AUTS2: variants seen among roughly 807,000 people sequenced by gnomAD.
The protein encoded by AUTS2 is activator of transcription and developmental regulator AUTS2, also known as autism susceptibility gene 2 protein.
In AUTS2, 17 loss-of-function variants were observed where a neutral mutation model predicts 112.4. The observed-to-expected ratio is 0.15, with a 90% CI of 0.10 to 0.23. The LOEUF (loss-of-function observed/expected upper bound fraction) is 0.23, where lower values mean the gene tolerates loss of function less well. Among genes scored for constraint, AUTS2 ranks in the 10% least tolerant of loss-of-function variants. AUTS2 has a pLI of 1.00. For missense variants in AUTS2, 1,510 were observed against 1,701.6 expected (o/e 0.89, Z 1.98); for synonymous variants, 751 against 702.7 (o/e 1.07, Z -1.09).
intron 4 of AUTS2, among the ~76,000 whole-genome samples, chr7:70,430,253 G>T (rs963531866): frequency 1.3e-5 from 2 of 152,294 alleles, no homozygotes; most frequent in Non-Finnish European, 2.9e-5. Flanking sequence ...GGCAACGTGG[G>T]AGAGGGGCAG....
At chr7:70,544,184 C>T (rs1800674049) in intron 5 of AUTS2, among the ~76,000 whole-genome samples, 1 of 152,234 alleles carries the variant, frequency 6.6e-6, no homozygotes, top group African/African-American at 2.4e-5. Context: ...CAGGAATCCT[C>T]ATAGTCTGTT....
chr7:70,250,122 T>A (rs1475062159), intron 4 of AUTS2, among the ~76,000 whole-genome samples: 4 of 152,038 alleles, frequency 2.6e-5, no homozygotes, highest in Non-Finnish European at 5.9e-5. Flanking sequence ...CAACTTTGAA[T>A]AGCTGTGAAT....
intron 5 of AUTS2, among the ~76,000 whole-genome samples, chr7:70,550,191 C>G (rs1278131247): frequency 3.9e-5 from 6 of 152,148 alleles, no homozygotes; most frequent in Admixed American, 3.9e-4. Context: ...AGGCAACTCC[C>G]CAGACTTGAT....
At chr7:70,607,308 T>C (rs992342547) in intron 5 of AUTS2, among the ~76,000 whole-genome samples, 5 of 152,270 alleles carry the variant, frequency 3.3e-5, no homozygotes, top group Non-Finnish European at 5.9e-5. Context: ...TGCCTCTCTG[T>C]GTTGGGATAT....
intron 2 of AUTS2, among the ~76,000 whole-genome samples, chr7:69,919,590 C>G (rs1227583094): frequency 6.6e-6 from 1 of 152,158 alleles, no homozygotes; most frequent in Non-Finnish European, 1.5e-5. Flanking sequence ...GACTGAGAAT[C>G]TGGATTCTTG....
At chr7:69,853,472 T>C (rs996529402) in intron 1 of AUTS2, among the ~76,000 whole-genome samples, 3 of 152,162 alleles carry the variant, frequency 2.0e-5, no homozygotes, top group African/African-American at 7.2e-5. Flanking sequence ...GTTTTCATTG[T>C]ATATATTTTT....
At chr7:69,956,303 A>G (rs1392135201) in intron 2 of AUTS2, among the ~76,000 whole-genome samples, 1 of 152,184 alleles carries the variant, frequency 6.6e-6, no homozygotes, top group Non-Finnish European at 1.5e-5. Flanking sequence ...GTATACATAC[A>G]TATGCACATG....
intron 5 of AUTS2, among the ~76,000 whole-genome samples, chr7:70,538,599 T>A (rs1184641763): frequency 6.6e-6 from 1 of 152,242 alleles, no homozygotes; most frequent in African/African-American, 2.4e-5. Flanking sequence ...TAGTCTTTAA[T>A]ATCAGGAGGA....
chr7:70,433,625 T>G (rs1404487240), intron 4 of AUTS2, among the ~76,000 whole-genome samples: 1 of 152,160 alleles, frequency 6.6e-6, no homozygotes, highest in African/African-American at 2.4e-5. Context: ...AGAATGTAAA[T>G]GTAGACAATC....
intron 5 of AUTS2, among the ~76,000 whole-genome samples, chr7:70,642,906 T>C (rs1228802395): frequency 6.6e-6 from 1 of 152,240 alleles, no homozygotes; most frequent in Non-Finnish European, 1.5e-5. Flanking sequence ...CACTGACCCA[T>C]CCTCATAGAA....
chr7:70,537,864 C>T (rs1800385411), intron 5 of AUTS2, among the ~76,000 whole-genome samples: 2 of 152,044 alleles, frequency 1.3e-5, no homozygotes, highest in Admixed American at 6.6e-5. Context: ...ACCTGACTGC[C>T]GAACAAAATG....
intron 1 of AUTS2, among the ~76,000 whole-genome samples, chr7:69,610,903 T>G (rs1278669027): frequency 6.6e-6 from 1 of 152,178 alleles, no homozygotes; most frequent in East Asian, 1.9e-4. Context: ...GGCTGCATTG[T>G]TATTAGGGAA....
intron 4 of AUTS2, among the ~76,000 whole-genome samples, chr7:70,210,720 A>G (rs1464147122): frequency 6.6e-6 from 1 of 152,202 alleles, no homozygotes; most frequent in South Asian, 2.1e-4. Flanking sequence ...AATAACCATG[A>G]TAAGATCTAA....
intron 4 of AUTS2, among the ~76,000 whole-genome samples, chr7:70,185,816 T>A (rs1358237730): frequency 6.6e-6 from 1 of 152,216 alleles, no homozygotes; most frequent in African/African-American, 2.4e-5. Context: ...TCTTGGAATA[T>A]GTTGTCACTA....
intron 3 of AUTS2, among the ~76,000 whole-genome samples, chr7:70,125,807 T>C (rs1805942003): frequency 6.6e-6 from 1 of 152,232 alleles, no homozygotes; most frequent in South Asian, 2.1e-4. Context: ...TACTCTGTCT[T>C]ACCCAATTTC....
intron 4 of AUTS2, among the ~76,000 whole-genome samples, chr7:70,191,471 C>T (rs1308637762): frequency 6.6e-6 from 1 of 152,088 alleles, no homozygotes; most frequent in African/African-American, 2.4e-5. Context: ...ACACCCAGCC[C>T]ACTTATTTCT....
chr7:70,556,909 T>C (rs188816370), intron 5 of AUTS2, among the ~76,000 whole-genome samples: 2 of 152,286 alleles, frequency 1.3e-5, no homozygotes, highest in Non-Finnish European at 2.9e-5. Context: ...AAAGTACTTC[T>C]GGTAAACTCC....
At chr7:70,637,277 T>A (rs1354648377) in intron 5 of AUTS2, among the ~76,000 whole-genome samples, 2 of 152,226 alleles carry the variant, frequency 1.3e-5, no homozygotes, top group Non-Finnish European at 2.9e-5. Flanking sequence ...ACTGGTTTGA[T>A]GTGGGGCTCG....
At chr7:70,539,470 A>G (rs996541916) in intron 5 of AUTS2, among the ~76,000 whole-genome samples, 3 of 152,186 alleles carry the variant, frequency 2.0e-5, no homozygotes, top group African/African-American at 7.2e-5. Context: ...CTGTGCTGCA[A>G]CTTTTAATGT....
Sources: gnomAD v4.1 joint callset for allele counts (sites outside exome capture counted in the v4.1 genomes callset) on GRCh38, gnomAD v4.1.1 for gene constraint, MANE v1.5 for transcripts, NCBI Gene and HGNC (gene_info 2026-07-23, HGNC 2026-07-21) for gene names.